SCN3B: variants seen among roughly 807,000 people sequenced by gnomAD.
SCN3B encodes sodium voltage-gated channel beta subunit 3, also known as sodium channel regulatory subunit beta-3.
A neutral mutation model predicts 25.4 loss-of-function variants in SCN3B; 11 were observed. That is an observed-to-expected ratio of 0.43 (90% CI 0.27 to 0.72). SCN3B has a LOEUF of 0.72. SCN3B is among the 30% of genes least tolerant of loss of function. The pLI is 0.18. For synonymous variants in SCN3B, 109 were observed against 110.7 expected (o/e 0.99, Z 0.09); for missense variants, 218 against 278.3 (o/e 0.78, Z 1.54).
intron 5 of SCN3B, among the ~76,000 whole-genome samples, chr11:123,634,916 C>T (rs1955708970): frequency 6.6e-6 from 1 of 152,164 alleles, no homozygotes; most frequent in African/African-American, 2.4e-5. Context: ...CAATTTCTCC[C>T]AATCTCTTGT....
chr11:123,629,572 C>A lies in SCN3B; in HGVS notation c.*4227G>T, dbSNP rs558829450. On this transcript the variant is annotated 3_prime_UTR_variant, in exon 7 of 7. Transcript: ENST00000299333. The stretch of plus-strand genomic sequence containing the variant: ...GGCTGAACTAATCATGAGCTGTCCA[C>A]CAGCTGAGATTTTAGAGATTAAGTA... The A allele has an allele frequency of 6.6e-6, 1 of 152,356 alleles. No homozygotes were observed. The highest frequency in any genetic ancestry group is 2.1e-4 in the South Asian group (1 of 4,822). 9.4% of individuals were successfully genotyped at this position (152,356 alleles called of 1,614,324 possible). A position where few individuals can be genotyped will look rare whatever the true frequency, so the allele number is the denominator to read the frequency against.
At chr11:123,645,816 C>T in intron 2 of SCN3B, 66 bp from the exon 3 acceptor site, 1 of 1,565,960 alleles carries the variant, frequency 6.4e-7, no homozygotes, top group Non-Finnish European at 8.8e-7. Context: ...AGGAGAGAAA[C>T]ATTGGAGAAG....
At chr11:123,644,800 AATATATATATATATATATATATATATAT>A (rs56135097) in intron 3 of SCN3B, among the ~76,000 whole-genome samples, 3 of 45,578 alleles carry the variant, frequency 6.6e-5, no homozygotes, top group Non-Finnish European at 1.2e-4. Flanking sequence ...AGAGAGAGAG[AATATATATATATATATATATATATATAT>A]ATATATATAT....
At chr11:123,635,554 C>A (rs1249234386) in intron 5 of SCN3B, among the ~76,000 whole-genome samples, 1 of 151,980 alleles carries the variant, frequency 6.6e-6, no homozygotes, top group African/African-American at 2.4e-5. Flanking sequence ...GGCGTGGTGG[C>A]AGGTGCCTGT....
At chr11:123,645,886 A>G in intron 2 of SCN3B, 136 bp from the exon 3 acceptor site, 1 of 875,066 alleles carries the variant, frequency 1.1e-6, no homozygotes, top group Non-Finnish European at 1.8e-6. Flanking sequence ...GAAAAAAGCC[A>G]CGTGCACATG....
intron 5 of SCN3B, among the ~76,000 whole-genome samples, chr11:123,636,026 T>G (rs1408475133): frequency 6.6e-6 from 1 of 152,224 alleles, no homozygotes; most frequent in Admixed American, 6.5e-5. Context: ...TGAAGATCAA[T>G]TTGGGAGAAA....
chr11:123,644,801 ATATAT>A (rs1257811575), intron 3 of SCN3B, among the ~76,000 whole-genome samples: 323 of 22,968 alleles, frequency 0.014, 1 homozygote, highest in South Asian at 0.088. Context: ...GAGAGAGAGA[ATATAT>A]ATATATATAT....
At chr11:123,644,126 G>C (rs1955821155) in intron 3 of SCN3B, among the ~76,000 whole-genome samples, 5 of 152,180 alleles carry the variant, frequency 3.3e-5, no homozygotes, top group Admixed American at 3.3e-4. Flanking sequence ...AGACCACCTG[G>C]CTCAAGTCAA....
rs1253753170 is a variant in SCN3B, at chr11:123,649,697, G to GTC, written c.56-3949_56-3948dup. ...TTTTCCTCTCTCTCTCTCTGTCTCT[G>GTC]TCTCTCTCTCTTTCTTTTTTTTTTA... On this transcript the variant is annotated intron_variant, in intron 2 of 6. Coordinates refer to ENST00000299333, the MANE Select transcript of SCN3B (RefSeq NM_001040151.2). Among the ~76,000 whole-genome samples, 326 of 118,980 alleles carry GTC rather than the reference G, an allele frequency of 2.7e-3. 4 individuals carry two copies. Among genetic ancestry groups the GTC allele is most frequent in the South Asian group, 0.018 (69 of 3,766 alleles). The allele number at this position is 118,980 out of a possible 152,430, so 78.1% of individuals were successfully genotyped here. A position where few individuals can be genotyped will look rare whatever the true frequency, so the allele number is the denominator to read the frequency against.
chr11:123,641,305 C>A (rs1406463050), intron 4 of SCN3B, among the ~76,000 whole-genome samples: 1 of 152,214 alleles, frequency 6.6e-6, no homozygotes, highest in Non-Finnish European at 1.5e-5. Context: ...GATTCAGGAG[C>A]CCTGAGAGTC....
chr11:123,642,780 G>A lies in SCN3B; in HGVS notation c.220-109C>T, dbSNP rs554843195. Reference sequence around the variant, plus strand: ...AAGGAGCAGAATTGTGCATGGACAGGGAAGAGAGGGGACAATGCCACCGGG... The same window carrying A: ...AAGGAGCAGAATTGTGCATGGACAGAGAAGAGAGGGGACAATGCCACCGGG... On this transcript the variant is annotated intron_variant, in intron 3 of 6. Transcript: ENST00000299333. The surrounding 1 kb of genome is among the most constrained non-coding windows in gnomAD (Gnocchi z 4.3). 8.5e-6 allele frequency: 7 copies of A among 819,162 alleles called. No homozygotes were observed. In the South Asian group the frequency reaches 1.0e-4, roughly 12 times the overall value. 50.7% of individuals were successfully genotyped at this position (819,162 alleles called of 1,614,324 possible). A position where few individuals can be genotyped will look rare whatever the true frequency, so the allele number is the denominator to read the frequency against.
intron 2 of SCN3B, among the ~76,000 whole-genome samples, chr11:123,647,958 G>T (rs1955872940): frequency 6.6e-6 from 1 of 152,194 alleles, no homozygotes; most frequent in African/African-American, 2.4e-5. Context: ...ATGGAGAGAG[G>T]ACTCACATCT....
intron 5 of SCN3B, among the ~76,000 whole-genome samples, chr11:123,636,914 G>A (rs754128588): frequency 1.3e-5 from 2 of 152,038 alleles, no homozygotes; most frequent in African/African-American, 4.8e-5. Context: ...AGGATGTCTC[G>A]ATCTCCTGAC....
chr11:123,644,032 T>C (rs1955820114), intron 3 of SCN3B, among the ~76,000 whole-genome samples: 1 of 152,190 alleles, frequency 6.6e-6, no homozygotes, highest in African/African-American at 2.4e-5. Context: ...CCTTCCATTG[T>C]CTCTGTTACA....
In SCN3B at chr11:123,642,555, C is replaced by A. The variant is rs765466963; in HGVS notation, c.336G>T (p.Leu112=). The A allele has an allele frequency of 6.2e-7, 1 of 1,613,250 alleles. No individual in the cohort carries two copies. The highest frequency in any genetic ancestry group is 1.1e-5 in the South Asian group (1 of 91,068). The change falls in exon 4 of 7, where the codon CTG becomes CTT. Residue 112 remains leucine, a synonymous_variant. Transcript: ENST00000299333. The surrounding 1 kb of genome is among the most constrained non-coding windows in gnomAD (Gnocchi z 4.3). ...TGCAGGTGTAGAGGCCAGAGTCGTT[C>A]AGAGTGACGTTGAGCACAGTGATGG... ...DVSITVLNVT[L]NDSGLYTCNV... is the part of the protein sequence containing the mutation.
chr11:123,638,116 A>C (rs1955749805), intron 5 of SCN3B, 70 bp downstream of exon 5: 4 of 1,579,414 alleles, frequency 2.5e-6, no homozygotes, highest in Admixed American at 3.4e-5. Context: ...ACTGCTTAGC[A>C]CCTCACCTGT....
intron 2 of SCN3B, among the ~76,000 whole-genome samples, chr11:123,649,016 T>G (rs1955887681): frequency 6.6e-6 from 1 of 152,164 alleles, no homozygotes; most frequent in Admixed American, 6.5e-5. Flanking sequence ...GATCTGATGC[T>G]GTGTTGGGAA....
rs1375717490 is a variant in SCN3B, at chr11:123,642,173, G to T, written c.445+273C>A. Among the ~76,000 whole-genome samples the T allele has an allele frequency of 2.0e-5, 3 of 152,194 alleles. No homozygotes were observed. Among genetic ancestry groups the T allele is most frequent in the Non-Finnish European group, 4.4e-5 (3 of 68,032 alleles). ...GTAGCTTTAGGCCTCATGGAGGCTA[G>T]CCTCTTTCTCTAAGGGACCAGGAAG... On this transcript the variant is annotated intron_variant, in intron 4 of 6. Coordinates refer to ENST00000299333, the MANE Select transcript of SCN3B (RefSeq NM_001040151.2). This position sits in a 1 kb window ranked among gnomAD's most constrained non-coding sequence, Gnocchi z 4.3.
chr11:123,631,701 T>G lies in SCN3B; in HGVS notation c.*2098A>C, dbSNP rs1955674793. 1 of 152,008 alleles carries G rather than the reference T, an allele frequency of 6.6e-6. No homozygotes were observed. Among genetic ancestry groups the G allele is most frequent in the South Asian group, 2.1e-4 (1 of 4,816 alleles). 9.4% of individuals were successfully genotyped at this position (152,008 alleles called of 1,614,324 possible). A position where few individuals can be genotyped will look rare whatever the true frequency, so the allele number is the denominator to read the frequency against. On this transcript the variant is annotated 3_prime_UTR_variant, in exon 7 of 7. Transcript: ENST00000299333. ...AAAATTAGCCAGGCATGGTGGTGCA[T>G]GCCTGTAGTCCCAGTTACCTGGGGG... is the stretch of plus-strand genomic sequence containing the variant.
Sources: gnomAD v4.1 joint callset for allele counts (sites outside exome capture counted in the v4.1 genomes callset) on GRCh38, gnomAD v4.1.1 for gene constraint, Gnocchi (gnomAD v3.1) non-coding constraint, MANE v1.5 for transcripts, NCBI Gene and HGNC (gene_info 2026-07-23, HGNC 2026-07-21) for gene names.